The following ARK2C variants were observed in gnomAD, a reference collection of about 807,000 sequenced individuals.
ARK2C encodes E3 ubiquitin-protein ligase ARK2C.
the ARK2C span, among the ~76,000 whole-genome samples, chr18:46,359,121 G>A: frequency 6.6e-6 from 1 of 152,222 alleles, no homozygotes; most frequent in African/African-American, 2.4e-5. Flanking sequence ...GGGCTCCCAT[G>A]AGAGGAAGAC....
At chr18:46,419,377 G>A in the ARK2C span, among the ~76,000 whole-genome samples, 11 of 152,204 alleles carry the variant, frequency 7.2e-5, no homozygotes, top group Non-Finnish European at 8.8e-5. Context: ...GGGGGAGGAG[G>A]TGGGGGAACT....
the ARK2C span, among the ~76,000 whole-genome samples, chr18:46,366,292 C>CAAAAAAA: frequency 3.7e-5 from 2 of 54,496 alleles, no homozygotes; most frequent in Non-Finnish European, 7.5e-5. Flanking sequence ...AACTCTGGCT[C>CAAAAAAA]AAAAAAAAAA....
At chr18:46,395,803 C>T in the ARK2C span, among the ~76,000 whole-genome samples, 9 of 152,208 alleles carry the variant, frequency 5.9e-5, no homozygotes, top group Admixed American at 5.9e-4. Flanking sequence ...CTCTTACTTC[C>T]AGAGCTTTCT....
chr18:46,435,174 T>C, the ARK2C span: 1 of 760,148 alleles, frequency 1.3e-6, no homozygotes, highest in Non-Finnish European at 2.2e-6. Context: ...CTGTGGGTGC[T>C]AAGTGGGGCT....
the ARK2C span, among the ~76,000 whole-genome samples, chr18:46,340,107 C>A: frequency 5.3e-5 from 8 of 152,212 alleles, no homozygotes; most frequent in Admixed American, 5.2e-4. Context: ...CTGCAAGACA[C>A]TTGTGCCTTA....
At chr18:46,346,884 T>G in the ARK2C span, among the ~76,000 whole-genome samples, 1,454 of 152,308 alleles carry the variant, frequency 9.5e-3, 11 homozygotes, top group Non-Finnish European at 0.014. Context: ...TCAGCTTAAT[T>G]GTGTAAGCAG....
the ARK2C span, among the ~76,000 whole-genome samples, chr18:46,390,521 T>C: frequency 6.6e-6 from 1 of 152,190 alleles, no homozygotes; most frequent in Non-Finnish European, 1.5e-5. Context: ...ATATATTCTA[T>C]CTATTTTCAG....
At chr18:46,454,899 C>T in the ARK2C span, among the ~76,000 whole-genome samples, 8 of 152,180 alleles carry the variant, frequency 5.3e-5, no homozygotes, top group Non-Finnish European at 1.2e-4. Context: ...AGTACTAATA[C>T]GCCTTGTAAG....
chr18:46,400,539 T>A, the ARK2C span, among the ~76,000 whole-genome samples: 1 of 152,070 alleles, frequency 6.6e-6, no homozygotes, highest in South Asian at 2.1e-4. Flanking sequence ...GTGTTAAGTG[T>A]TTGGGGAACA....
chr18:46,461,292 A>C, the ARK2C span: 1 of 152,364 alleles, frequency 6.6e-6, no homozygotes, highest in East Asian at 1.9e-4. Context: ...GTAGAATGTG[A>C]CACAGATCCC....
At chr18:46,424,711 C>G in the ARK2C span, among the ~76,000 whole-genome samples, 4 of 152,218 alleles carry the variant, frequency 2.6e-5, no homozygotes, top group Non-Finnish European at 5.9e-5. Flanking sequence ...GGATCAGCAG[C>G]ATCACTGCAG....
the ARK2C span, among the ~76,000 whole-genome samples, chr18:46,357,222 C>T: frequency 1.3e-5 from 2 of 152,222 alleles, no homozygotes. Context: ...TCCCACCTCA[C>T]CCTTGCTACC....
At chr18:46,390,144 AC>A in the ARK2C span, among the ~76,000 whole-genome samples, 1 of 151,484 alleles carries the variant, frequency 6.6e-6, no homozygotes, top group Non-Finnish European at 1.5e-5. Flanking sequence ...TGACCTCCCC[AC>A]CCCAACCCCT....
chr18:46,383,363 C>T, the ARK2C span, among the ~76,000 whole-genome samples: 14 of 151,974 alleles, frequency 9.2e-5, no homozygotes, highest in South Asian at 4.2e-4. Context: ...GCACCTGGTT[C>T]GAAAGGGGAT....
chr18:46,394,564 A>G, the ARK2C span, among the ~76,000 whole-genome samples: 1 of 152,198 alleles, frequency 6.6e-6, no homozygotes, highest in Non-Finnish European at 1.5e-5. Flanking sequence ...ATCTCTGCTC[A>G]CATAGCCACA....
At chr18:46,406,847 A>G in the ARK2C span, among the ~76,000 whole-genome samples, 1 of 152,168 alleles carries the variant, frequency 6.6e-6, no homozygotes, top group Non-Finnish European at 1.5e-5. Flanking sequence ...GTGAGGGCAG[A>G]TGTCAGGCAG....
chr18:46,455,858 AAAAGAAACTTT>A, the ARK2C span: 1 of 637,070 alleles, frequency 1.6e-6, no homozygotes, highest in South Asian at 2.0e-5. Context: ...AACAAACAAA[AAAAGAAACTTT>A]AAAAAACCTG....
At chr18:46,382,841 C>A in the ARK2C span, among the ~76,000 whole-genome samples, 1 of 152,188 alleles carries the variant, frequency 6.6e-6, no homozygotes, top group African/African-American at 2.4e-5. Flanking sequence ...GGCATCTGAG[C>A]AGCTTGGTCA....
the ARK2C span, among the ~76,000 whole-genome samples, chr18:46,364,245 G>A: frequency 1.3e-5 from 2 of 151,948 alleles, no homozygotes; most frequent in African/African-American, 2.4e-5. Context: ...ACTGTGCCAG[G>A]CCCCTGACCT....
Sources: allele counts gnomAD v4.1 joint callset (sites outside exome capture counted in the v4.1 genomes callset), GRCh38; gene constraint gnomAD v4.1.1; transcripts MANE v1.5; gene names NCBI Gene and HGNC (gene_info 2026-07-23, HGNC 2026-07-21).